APOBEC3F: variants seen among roughly 807,000 people sequenced by gnomAD.
The protein encoded by APOBEC3F is apolipoprotein B mRNA editing enzyme catalytic subunit 3F.
Under a neutral mutation model 45.8 loss-of-function variants are expected in APOBEC3F, and 34 were observed. The observed-to-expected ratio is 0.74, with a 90% CI of 0.57 to 0.99. The LOEUF is 0.99. Ranked by LOEUF, APOBEC3F falls within the 50% of genes least tolerant of loss-of-function variation. APOBEC3F has a pLI of 0.00. For synonymous variants in APOBEC3F, 192 were observed against 174.4 expected, an observed-to-expected ratio of 1.10 and a Z score of -0.80; for missense variants, 459 against 474.1, an observed-to-expected ratio of 0.97 and a Z score of 0.30.
Position 39,052,610 on chromosome 22 carries a change from A to C in APOBEC3F, c.1037A>C (p.Asn346Thr), listed in dbSNP as rs13056825. ...FKYCWENFVY[N>T]DDEPFKPWKG... ...TATTGTTGGGAAAACTTTGTGTACAATGATGATGAGCCATTCAAGCCTTGG... is the reference window on the plus strand; with the variant it reads ...TATTGTTGGGAAAACTTTGTGTACACTGATGATGAGCCATTCAAGCCTTGG... Residue 346 changes from asparagine (N) to threonine (T), a missense_variant, in exon 7 of 7, where the codon AAT (asparagine) becomes ACT (threonine). Coordinates refer to ENST00000308521, the MANE Select transcript of APOBEC3F (RefSeq NM_145298.6). 6.2e-7 allele frequency: 1 copy of C among 1,613,982 alleles called. No homozygotes were observed. Among genetic ancestry groups the C allele is most frequent in the Non-Finnish European group, 8.5e-7 (1 of 1,179,924 alleles).
chr22:39,044,136 C>G (rs765998017), intron 2 of APOBEC3F: 1 of 1,571,238 alleles, frequency 6.4e-7, no homozygotes, highest in East Asian at 2.4e-5. Context: ...GCCCCTTTGG[C>G]CAGTGCGCCC....
intron 5 of APOBEC3F, among the ~76,000 whole-genome samples, chr22:39,051,412 C>G (rs931689754): frequency 1.3e-5 from 2 of 151,876 alleles, no homozygotes. Flanking sequence ...TGGCGGGCGC[C>G]TGTAGTCCCA....
chr22:39,051,806 T>G (rs539736338), intron 5 of APOBEC3F, among the ~76,000 whole-genome samples: 2 of 152,058 alleles, frequency 1.3e-5, no homozygotes, highest in South Asian at 4.2e-4. Flanking sequence ...ACAAAAAAAT[T>G]AGGCAGGCGT....
intron 5 of APOBEC3F, among the ~76,000 whole-genome samples, chr22:39,051,536 C>CA (rs35583360): frequency 1.0e-3 from 106 of 104,468 alleles, no homozygotes; most frequent in Middle Eastern, 4.5e-3. Context: ...GACTCAGTAT[C>CA]AAAAAAAAAA....
At position 39,045,554 on chromosome 22, in the gene APOBEC3F, C is replaced by G; in HGVS notation, c.566+12C>G. On this transcript the variant is annotated intron_variant, in intron 4 of 6. Transcript: ENST00000308521. The stretch of plus-strand genomic sequence containing the variant: ...AAGGAGATTCTCAGGTGAGGGTCTC[C>G]CTCTGGCCTCATCGTCTGTCTCCTC... The G allele has an allele frequency of 6.2e-7, 1 of 1,613,972 alleles. No homozygotes were observed. The highest frequency in any genetic ancestry group is 2.2e-5 in the East Asian group (1 of 44,888).
Position 39,053,864 on chromosome 22 carries a change from A to G in APOBEC3F, c.*1169A>G, listed in dbSNP as rs1927608511. 1 of 152,122 alleles carries G rather than the reference A, an allele frequency of 6.6e-6. No homozygotes were observed. The highest frequency in any genetic ancestry group is 2.4e-5 in the African/African-American group (1 of 41,420). 9.4% of individuals were successfully genotyped at this position (152,122 alleles called of 1,614,324 possible). ...CTGAAACTGTGCATTGTACCCTGAA[A>G]CCAGCTTTATCCATAGCTTCTGCAA... On this transcript the variant is annotated 3_prime_UTR_variant, in exon 7 of 7. Transcript: ENST00000308521.
intron 4 of APOBEC3F, among the ~76,000 whole-genome samples, chr22:39,048,761 T>C (rs1927339493): frequency 6.6e-6 from 1 of 151,974 alleles, no homozygotes; most frequent in Non-Finnish European, 1.5e-5. Flanking sequence ...GAGCCGAGAT[T>C]GTGCCACTGC....
chr22:39,045,227 G>A lies in APOBEC3F; in HGVS notation c.451+7G>A. The A allele has an allele frequency of 1.2e-6, 2 of 1,613,656 alleles. No individual in the cohort carries two copies. Among genetic ancestry groups the A allele is most frequent in the Non-Finnish European group, 1.7e-6 (2 of 1,179,672 alleles). ...AAGATTATGGACGATGAAGGTGAGAGGTGGAGGGGTCAGGGGAGCGTGAGC... is the reference window on the plus strand; with the variant it reads ...AAGATTATGGACGATGAAGGTGAGAAGTGGAGGGGTCAGGGGAGCGTGAGC... On this transcript the variant is annotated splice_region_variant and intron_variant, in intron 3 of 6. Transcript: ENST00000308521.
rs1415298657 is a variant in APOBEC3F, at chr22:39,043,051, C to T, written c.132C>T (p.Pro44=). ...WLCYEVKTKG[P]SRPRLDAKIF... ...GCTACGAAGTGAAAACAAAGGGTCC[C>T]TCAAGGCCCCGTTTGGACGCAAAGA... Residue 44 remains proline, a synonymous_variant, in exon 2 of 7, where the codon CCC becomes CCT. Transcript: ENST00000308521. The T allele has an allele frequency of 1.2e-6, 2 of 1,614,186 alleles. No individual in the cohort carries two copies. The highest frequency in any genetic ancestry group is 2.2e-5 in the South Asian group (2 of 91,084).
chr22:39,052,328 C>T lies in APOBEC3F; in HGVS notation c.978C>T (p.Ala326=), dbSNP rs1316007974. Residue 326 remains alanine (A), a synonymous_variant, in exon 6 of 7, where the codon GCC becomes GCT. Transcript: ENST00000308521. ...EGLRSLSQEG[A]SVEIMGYKDF... ...TCCGCAGCCTGAGTCAGGAAGGGGC[C>T]TCCGTGGAGATCATGGGCTACAAAG... is the stretch of plus-strand genomic sequence containing the variant. The T allele has an allele frequency of 1.2e-6, 2 of 1,614,076 alleles. No individual in the cohort carries two copies. The highest frequency in any genetic ancestry group is 1.6e-4 in the Middle Eastern group (1 of 6,082).
intron 3 of APOBEC3F, 87 bp from the exon 4 acceptor site, chr22:39,045,341 C>T (rs1927158943): frequency 1.9e-6 from 3 of 1,606,652 alleles, no homozygotes; most frequent in Admixed American, 3.3e-5. Flanking sequence ...CCAGCACTGA[C>T]AGCAACTGAC....
At chr22:39,050,537 G>A (rs1211537046) in intron 5 of APOBEC3F, among the ~76,000 whole-genome samples, 2 of 146,738 alleles carry the variant, frequency 1.4e-5, no homozygotes, top group African/African-American at 2.6e-5. Flanking sequence ...GTCCCCACAC[G>A]CTAAAAAGGC....
chr22:39,045,165 G>T lies in APOBEC3F; in HGVS notation c.396G>T (p.Arg132Ser). 5.6e-6 allele frequency: 9 copies of T among 1,614,142 alleles called. No individual in the cohort carries two copies. Among genetic ancestry groups the T allele is most frequent in the Non-Finnish European group, 7.6e-6 (9 of 1,180,018 alleles). ...LYYYWERDYR[R>S]ALCRLSQAGA... ...ACTACTGGGAAAGAGATTACCGAAG[G>T]GCGCTCTGCAGGCTGAGTCAGGCAG... Residue 132 changes from arginine to serine, a missense_variant, in exon 3 of 7, where the codon AGG becomes AGT. Physicochemically the swap from Arg to Ser is moderately radical, Grantham distance 110 (BLOSUM62 -1). Coordinates refer to ENST00000308521, the MANE Select transcript of APOBEC3F (RefSeq NM_145298.6).
chr22:39,044,025 C>T (rs1217184906), intron 2 of APOBEC3F: 25 of 1,489,172 alleles, frequency 1.7e-5, no homozygotes, highest in Non-Finnish European at 2.2e-5. Flanking sequence ...AACTACGTCT[C>T]AAAACAAAAA....
chr22:39,042,913 C>G, intron 1 of APOBEC3F, 24 bp from the exon 2 acceptor site: 1 of 1,612,944 alleles, frequency 6.2e-7, no homozygotes. Context: ...TCTACATTGG[C>G]TGGTTTCTCT....
intron 5 of APOBEC3F, among the ~76,000 whole-genome samples, chr22:39,051,524 G>A (rs1320541503): frequency 5.7e-5 from 8 of 140,980 alleles, no homozygotes; most frequent in African/African-American, 1.0e-4. Context: ...GTGACAGAGC[G>A]AGACTCAGTA....
intron 4 of APOBEC3F, among the ~76,000 whole-genome samples, chr22:39,046,180 C>T (rs1457536054): frequency 6.6e-6 from 1 of 152,136 alleles, no homozygotes; most frequent in South Asian, 2.1e-4. Context: ...GTCTCTCTGC[C>T]TCTAAATGTC....
At chr22:39,044,109 A>G in intron 2 of APOBEC3F, 2 of 1,556,096 alleles carry the variant, frequency 1.3e-6, no homozygotes, top group Middle Eastern at 1.7e-4. Context: ...TCAGAGCCCC[A>G]TTTCAAGTGC....
At position 39,045,189 on chromosome 22, in the gene APOBEC3F, A is replaced by G. The variant is rs769448030; in HGVS notation, c.420A>G (p.Ala140=). The G allele has an allele frequency of 1.4e-5, 22 of 1,613,976 alleles. No homozygotes were observed. Among genetic ancestry groups the G allele is most frequent in the Non-Finnish European group, 1.8e-5 (21 of 1,180,018 alleles). Residue 140 remains alanine, a synonymous_variant, in exon 3 of 7, where the codon GCA becomes GCG. Transcript: ENST00000308521. ...YRRALCRLSQ[A]GARVKIMDDE... is the part of the protein sequence containing the mutation. Reference sequence around the variant, plus strand: ...GGGCGCTCTGCAGGCTGAGTCAGGCAGGGGCCCGCGTGAAGATTATGGACG... The same window carrying G: ...GGGCGCTCTGCAGGCTGAGTCAGGCGGGGGCCCGCGTGAAGATTATGGACG...
Sources: gnomAD v4.1 joint callset for allele counts (sites outside exome capture counted in the v4.1 genomes callset) on GRCh38, gnomAD v4.1.1 for gene constraint, MANE v1.5 for transcripts, NCBI Gene and HGNC (gene_info 2026-07-23, HGNC 2026-07-21) for gene names.